The following TENM3 variants were observed in gnomAD, a reference collection of about 807,000 sequenced individuals.
TENM3 encodes teneurin-3.
TENM3 carries 63 observed loss-of-function variants against 255.1 expected under a neutral mutation model. The observed-to-expected ratio is 0.25, with a 90% CI of 0.20 to 0.30. The LOEUF is 0.30. Among genes scored for constraint, TENM3 ranks in the 10% least tolerant of loss-of-function variants. TENM3 has a pLI of 1.00. For synonymous variants in TENM3, 1,306 were observed against 1,322.3 expected (o/e 0.99, Z 0.27); for missense variants, 2,929 against 3,461.1 (o/e 0.85, Z 3.86).
chr4:182,349,071 C>G (rs1476925180), intron 3 of TENM3, among the ~76,000 whole-genome samples: 2 of 152,138 alleles, frequency 1.3e-5, no homozygotes, highest in African/African-American at 4.8e-5. Flanking sequence ...AGGGCCTTGC[C>G]TTGAAATTCA....
the TENM3 span, among the ~76,000 whole-genome samples, chr4:181,698,951 A>G: frequency 1.3e-5 from 2 of 152,214 alleles, no homozygotes; most frequent in Non-Finnish European, 2.9e-5. Context: ...AACTTTTTTT[A>G]AAAGAAAACA....
chr4:181,526,425 T>C, the TENM3 span, among the ~76,000 whole-genome samples: 2 of 152,166 alleles, frequency 1.3e-5, no homozygotes, highest in Non-Finnish European at 2.9e-5. Context: ...TTCACTTCAC[T>C]GTATCTGCTT....
chr4:181,982,300 G>A, the TENM3 span, among the ~76,000 whole-genome samples: 98 of 152,264 alleles, frequency 6.4e-4, no homozygotes, highest in African/African-American at 1.7e-3. Context: ...TGCAGAGAAA[G>A]GGGTCAGTGA....
At chr4:182,239,033 ATGTGTGTGTGTGTGTG>A (rs10533748), upstream of TENM3, among the ~76,000 whole-genome samples, 9 of 140,114 alleles carry the variant, frequency 6.4e-5, no homozygotes, top group Non-Finnish European at 7.6e-5. Flanking sequence ...AAAAATCTTT[ATGTGTGTGTGTGTGTG>A]TGTGTGTGTG....
At chr4:181,612,679 T>C in the TENM3 span, among the ~76,000 whole-genome samples, 30 of 152,272 alleles carry the variant, frequency 2.0e-4, no homozygotes, top group East Asian at 1.5e-3. Context: ...TTTTATGTGA[T>C]AGGATACGCA....
the TENM3 span, among the ~76,000 whole-genome samples, chr4:181,603,575 C>T: frequency 6.6e-6 from 1 of 152,008 alleles, no homozygotes; most frequent in Non-Finnish European, 1.5e-5. Context: ...ATTAGTCCCT[C>T]AATGTTTCCT....
the TENM3 span, among the ~76,000 whole-genome samples, chr4:181,484,563 T>C: frequency 6.6e-6 from 1 of 152,186 alleles, no homozygotes; most frequent in Non-Finnish European, 1.5e-5. Context: ...TGCATAGTAA[T>C]TAGGGCTTTG....
the TENM3 span, among the ~76,000 whole-genome samples, chr4:182,071,737 T>C: frequency 6.6e-6 from 1 of 152,222 alleles, no homozygotes; most frequent in South Asian, 2.1e-4. Context: ...ATTCGAATTG[T>C]TCTCTCCTAG....
chr4:182,636,249 T>C (rs1751831556), intron 5 of TENM3, among the ~76,000 whole-genome samples: 1 of 152,124 alleles, frequency 6.6e-6, no homozygotes, highest in Non-Finnish European at 1.5e-5. Flanking sequence ...GACTAAAAAT[T>C]TAGAATCAGT....
chr4:182,784,169 C>T (rs957536211), intron 24 of TENM3, among the ~76,000 whole-genome samples: 5 of 152,094 alleles, frequency 3.3e-5, no homozygotes, highest in African/African-American at 4.8e-5. Context: ...TCTGTTTTTT[C>T]CCCATCTTTG....
chr4:182,706,988 A>G (rs1452974576), intron 12 of TENM3, among the ~76,000 whole-genome samples: 3 of 152,036 alleles, frequency 2.0e-5, no homozygotes, highest in Admixed American at 1.3e-4. Context: ...AGACTCTGCT[A>G]TGAGCCAGGC....
intron 3 of TENM3, among the ~76,000 whole-genome samples, chr4:182,391,043 A>G (rs1306313156): frequency 2.0e-5 from 3 of 152,276 alleles, no homozygotes; most frequent in Non-Finnish European, 4.4e-5. Context: ...TCCTAATTGC[A>G]TATAATTATT....
At chr4:182,203,400 C>T (rs1754335494) in intron 1 of TENM3, among the ~76,000 whole-genome samples, 1 of 152,156 alleles carries the variant, frequency 6.6e-6, no homozygotes, top group Admixed American at 6.5e-5. Flanking sequence ...TCACCATCCC[C>T]TGGCCAGTTC....
intron 22 of TENM3, among the ~76,000 whole-genome samples, chr4:182,765,178 T>C (rs1004068792): frequency 6.6e-6 from 1 of 151,956 alleles, no homozygotes; most frequent in Non-Finnish European, 1.5e-5. Flanking sequence ...ATTCCAAAGA[T>C]GTGGACACGA....
At chr4:181,593,473 G>A in the TENM3 span, among the ~76,000 whole-genome samples, 8 of 152,166 alleles carry the variant, frequency 5.3e-5, no homozygotes, top group Non-Finnish European at 1.0e-4. Context: ...CTAAGGCAAC[G>A]CTGCTTTGTT....
At chr4:181,545,185 A>G in the TENM3 span, among the ~76,000 whole-genome samples, 2 of 152,166 alleles carry the variant, frequency 1.3e-5, no homozygotes, top group African/African-American at 4.8e-5. Context: ...AGAGAGATTT[A>G]TTTTGTTTAA....
the TENM3 span, among the ~76,000 whole-genome samples, chr4:181,674,824 A>G: frequency 3.3e-5 from 5 of 152,076 alleles, no homozygotes; most frequent in African/African-American, 7.2e-5. Flanking sequence ...TAATTAACAG[A>G]ATTTTTGTGT....
At position 182,801,139 on chromosome 4, in the gene TENM3, T is replaced by G. The variant is rs1315860620; in HGVS notation, c.*788T>G. ...AATGATAAAAACGTGAACTGTGTGATTTTTTTAAAAGGATTGCACCTTTTG... is the reference window on the plus strand; with the variant it reads ...AATGATAAAAACGTGAACTGTGTGAGTTTTTTAAAAGGATTGCACCTTTTG... On this transcript the variant is annotated 3_prime_UTR_variant, in exon 28 of 28. Transcript: ENST00000511685. The G allele has an allele frequency of 6.6e-6, 1 of 152,132 alleles. No individual in the cohort carries two copies. The highest frequency in any genetic ancestry group is 1.5e-5 in the Non-Finnish European group (1 of 68,004). 9.4% of individuals were successfully genotyped at this position (152,132 alleles called of 1,614,324 possible). A position where few individuals can be genotyped will look rare whatever the true frequency, so the allele number is the denominator to read the frequency against.
chr4:182,365,054 C>A (rs1766332900), intron 3 of TENM3, among the ~76,000 whole-genome samples: 1 of 152,216 alleles, frequency 6.6e-6, no homozygotes, highest in African/African-American at 2.4e-5. Flanking sequence ...CCTTTTCCCC[C>A]AGGGCACTGA....
Sources: allele counts gnomAD v4.1 joint callset (sites outside exome capture counted in the v4.1 genomes callset), GRCh38; gene constraint gnomAD v4.1.1; transcripts MANE v1.5; gene names NCBI Gene and HGNC (gene_info 2026-07-23, HGNC 2026-07-21).